Variants in FYB1 observed in about 807,000 individuals in gnomAD.
FYB1 encodes FYN-binding protein 1.
FYB1 carries 41 observed loss-of-function variants against 94.1 expected under a neutral mutation model. That is an observed-to-expected ratio of 0.44 (90% confidence interval 0.34 to 0.57). The LOEUF is 0.57. Ranked by LOEUF, FYB1 falls within the 20% of genes least tolerant of loss-of-function variation. FYB1 has a pLI of 0.02. For synonymous variants in FYB1, 367 were observed against 353.2 expected, an observed-to-expected ratio of 1.04 and a Z score of -0.44; for missense variants, 1,050 against 976.8, an observed-to-expected ratio of 1.07 and a Z score of -1.00.
chr5:39,152,141 A>G (rs1393012175), intron 3 of FYB1, among the ~76,000 whole-genome samples: 1 of 152,242 alleles, frequency 6.6e-6, no homozygotes, highest in African/African-American at 2.4e-5. Flanking sequence ...CTTTAAACTG[A>G]CATCCATAAA....
At chr5:39,146,349 C>A (rs115704171) in intron 3 of FYB1, among the ~76,000 whole-genome samples, 1 of 152,114 alleles carries the variant, frequency 6.6e-6, no homozygotes, top group Non-Finnish European at 1.5e-5. Context: ...TGTATTCCTT[C>A]GTAATTATGG....
chr5:39,156,429 CA>C (rs1430878116), intron 2 of FYB1, among the ~76,000 whole-genome samples: 8 of 152,094 alleles, frequency 5.3e-5, no homozygotes, highest in African/African-American at 1.9e-4. Flanking sequence ...GAGAGTGCAG[CA>C]AAACCAGAGG....
intron 2 of FYB1, among the ~76,000 whole-genome samples, chr5:39,154,025 A>T (rs1448710377): frequency 6.6e-6 from 1 of 152,092 alleles, no homozygotes. Context: ...GGCGCAAGCA[A>T]TCCTCCTGCC....
upstream of FYB1, among the ~76,000 whole-genome samples, chr5:39,222,295 G>A (rs890144717): frequency 2.3e-4 from 35 of 152,234 alleles, no homozygotes; most frequent in African/African-American, 6.7e-4. Context: ...AAGGGTTGGC[G>A]GTAACTGTGG....
chr5:39,215,813 C>T lies in FYB1; in HGVS notation c.-28+3630G>A, dbSNP rs76433943. Among the ~76,000 whole-genome samples, 253 of 152,198 alleles carry T rather than the reference C, an allele frequency of 1.7e-3. 2 individuals are homozygous for T. Among genetic ancestry groups the T allele is most frequent in the Middle Eastern group, 0.014 (4 of 294 alleles). On this transcript the variant is annotated intron_variant, in intron 1 of 18. Transcript: ENST00000512982. ...TGCCCATGTATATGCCAAAAAGATA[C>T]GCCCATGTATCAGAACCTGTGAATG...
At chr5:39,150,525 C>A (rs1743153501) in intron 3 of FYB1, among the ~76,000 whole-genome samples, 1 of 152,144 alleles carries the variant, frequency 6.6e-6, no homozygotes, top group South Asian at 2.1e-4. Flanking sequence ...TTTAGACGTG[C>A]AAATAGAAAC....
chr5:39,236,211 A>G (rs1414032476), intron 1 of FYB1, among the ~76,000 whole-genome samples: 1 of 152,120 alleles, frequency 6.6e-6, no homozygotes, highest in East Asian at 1.9e-4. Context: ...CTTTGAAGTT[A>G]AGGATAAATA....
At chr5:39,182,271 G>T (rs201193942) in intron 2 of FYB1, among the ~76,000 whole-genome samples, 1 of 134,418 alleles carries the variant, frequency 7.4e-6, no homozygotes, top group South Asian at 2.3e-4. Context: ...AATGCTTTTT[G>T]TGTGTGTGTG....
intron 1 of FYB1, among the ~76,000 whole-genome samples, chr5:39,216,682 C>T (rs1254613694): frequency 6.6e-6 from 1 of 152,162 alleles, no homozygotes; most frequent in Non-Finnish European, 1.5e-5. Context: ...AAGACTGTTT[C>T]ATGATTATTT....
At chr5:39,237,234 C>T (rs1032630628) in intron 1 of FYB1, among the ~76,000 whole-genome samples, 22 of 151,916 alleles carry the variant, frequency 1.4e-4, no homozygotes, top group Admixed American at 1.2e-3. Flanking sequence ...AAAGATAAAT[C>T]GAGTCGAAAG....
Position 39,108,241 on chromosome 5 carries a change from A to G in FYB1, c.2457T>C (p.Asp819=), listed in dbSNP as rs768860053. The G allele has an allele frequency of 1.1e-5, 17 of 1,526,934 alleles. No individual in the cohort carries two copies. The South Asian group carries it at 2.1e-4, about 18-fold the overall frequency. The allele number at this position is 1,526,934 out of a possible 1,614,324, so 94.6% of individuals were successfully genotyped here. The stretch of plus-strand genomic sequence containing the variant: ...CTACATAAGACTTACCATCAGCAAT[A>G]TCATCATAGATCTCTCCATCACTGT... The part of the protein sequence containing the change: ...LADNDGEIYD[D]IADGCIYDND The change falls in exon 18 of 19, where the codon GAT becomes GAC. Residue 819 remains aspartate, a synonymous_variant. Transcript: ENST00000512982.
At chr5:39,271,901 G>C (rs1452653118) in intron 1 of FYB1, among the ~76,000 whole-genome samples, 1 of 152,168 alleles carries the variant, frequency 6.6e-6, no homozygotes, top group Non-Finnish European at 1.5e-5. Context: ...CGAGGTATGG[G>C]ACCCAGGCAT....
At chr5:39,272,232 AAAG>A (rs1752686690) in intron 1 of FYB1, among the ~76,000 whole-genome samples, 2 of 152,146 alleles carry the variant, frequency 1.3e-5, no homozygotes, top group Non-Finnish European at 1.5e-5. Context: ...CTTTGCCTTA[AAAG>A]AAGGAGCAGG....
intron 1 of FYB1, among the ~76,000 whole-genome samples, chr5:39,208,256 C>T (rs557245576): frequency 8.5e-5 from 13 of 152,240 alleles, no homozygotes; most frequent in South Asian, 4.2e-4. Flanking sequence ...GTCACTTTTG[C>T]AATTAAAGCA....
chr5:39,120,396 C>G (rs182703556), intron 14 of FYB1, among the ~76,000 whole-genome samples: 19 of 152,044 alleles, frequency 1.2e-4, no homozygotes, highest in Admixed American at 3.9e-4. Flanking sequence ...TTTGTAGATA[C>G]CAATTATCCT....
intron 9 of FYB1, among the ~76,000 whole-genome samples, chr5:39,133,611 G>T (rs1044834393): frequency 6.6e-6 from 1 of 152,020 alleles, no homozygotes; most frequent in African/African-American, 2.4e-5. Context: ...CCTCCAGAAA[G>T]GATGTTCTAT....
rs139029982 is a variant in FYB1 at position 39,141,684 on chromosome 5, A to G, written c.1293-543T>C. Reference sequence around the variant, plus strand: ...GGTTTTTGACATAAAACCAATGATAAAAGTCACAATTACTTTTGCACCGAC... The same window carrying G: ...GGTTTTTGACATAAAACCAATGATAGAAGTCACAATTACTTTTGCACCGAC... On this transcript the variant is annotated intron_variant, in intron 3 of 18. Transcript: ENST00000512982. 3.8e-3 allele frequency among the ~76,000 whole-genome samples: 579 copies of G among 152,232 alleles called. 2 individuals carry two copies. The highest frequency in any genetic ancestry group is 6.3e-3 in the Non-Finnish European group (427 of 68,022).
chr5:39,167,475 T>C (rs912184566), intron 2 of FYB1, among the ~76,000 whole-genome samples: 2 of 152,166 alleles, frequency 1.3e-5, no homozygotes, highest in African/African-American at 2.4e-5. Context: ...TTACTGACCT[T>C]TGTATGTATG....
At chr5:39,127,059 CAAAAAA>C (rs200980181) in intron 11 of FYB1, among the ~76,000 whole-genome samples, 31,328 of 76,996 alleles carry the variant, frequency 0.41, 2,785 homozygotes, top group African/African-American at 0.45. Flanking sequence ...ACTCAGGTCT[CAAAAAA>C]AAAAAAAAAA....
Sources: allele counts gnomAD v4.1 joint callset (sites outside exome capture counted in the v4.1 genomes callset), GRCh38; gene constraint gnomAD v4.1.1; transcripts MANE v1.5; gene names NCBI Gene and HGNC (gene_info 2026-07-23, HGNC 2026-07-21).